The following FILIP1L variants were observed in gnomAD, a reference collection of about 807,000 sequenced individuals.
FILIP1L encodes filamin A interacting protein 1 like, also known as filamin A-interacting protein 1-like.
A neutral mutation model predicts 96.6 loss-of-function variants in FILIP1L; 55 were observed. The ratio of observed to expected loss-of-function variants is 0.57; its 90% CI spans 0.46 to 0.71. The LOEUF (loss-of-function observed/expected upper bound fraction) is 0.71, where lower values mean the gene tolerates loss of function less well. Among genes scored for constraint, FILIP1L ranks in the 30% least tolerant of loss-of-function variants. The probability of loss-of-function intolerance (pLI) is 0.00; values close to 1 mark genes in which losing one functional copy is unlikely to be tolerated. For missense variants in FILIP1L, 1,304 were observed against 1,321.2 expected, an observed-to-expected ratio of 0.99 and a Z score of 0.20; for synonymous variants, 467 against 473.9, an observed-to-expected ratio of 0.99 and a Z score of 0.19.
At chr3:99,948,035 A>C (rs1197666973) in intron 1 of FILIP1L, among the ~76,000 whole-genome samples, 1 of 151,188 alleles carries the variant, frequency 6.6e-6, no homozygotes, top group African/African-American at 2.4e-5. Context: ...GTGGTAAGAT[A>C]ATAAGTATTT....
intron 1 of FILIP1L, among the ~76,000 whole-genome samples, chr3:100,043,179 T>C (rs2065231847): frequency 6.6e-6 from 1 of 152,202 alleles, no homozygotes; most frequent in African/African-American, 2.4e-5. Flanking sequence ...TCAGAGAGGC[T>C]TTCTTCAGGC....
At chr3:100,107,637 C>G (rs1164716556) in intron 1 of FILIP1L, among the ~76,000 whole-genome samples, 2 of 151,978 alleles carry the variant, frequency 1.3e-5, no homozygotes, top group African/African-American at 4.8e-5. Flanking sequence ...GTTGGAAATT[C>G]CTTGTTTTAA....
chr3:99,876,772 TTTTTC>T (rs1705547366), intron 4 of FILIP1L, among the ~76,000 whole-genome samples: 1 of 152,146 alleles, frequency 6.6e-6, no homozygotes, highest in Non-Finnish European at 1.5e-5. Flanking sequence ...AAATCTTATT[TTTTTC>T]AGTGTTTTTC....
intron 4 of FILIP1L, among the ~76,000 whole-genome samples, chr3:99,902,340 A>T (rs1020902054): frequency 6.6e-6 from 1 of 152,184 alleles, no homozygotes; most frequent in South Asian, 2.1e-4. Context: ...ATATCTGTTG[A>T]ATTGAACTGA....
At chr3:99,992,032 A>T (rs544959773) in intron 1 of FILIP1L, among the ~76,000 whole-genome samples, 2 of 149,940 alleles carry the variant, frequency 1.3e-5, no homozygotes, top group African/African-American at 4.9e-5. Context: ...ATATACGTGT[A>T]TATATATATA....
chr3:100,065,569 T>A (rs1170921942), intron 1 of FILIP1L, among the ~76,000 whole-genome samples: 1 of 152,252 alleles, frequency 6.6e-6, no homozygotes, highest in Non-Finnish European at 1.5e-5. Flanking sequence ...TTCTTGGTCT[T>A]CCACTTTTCA....
At chr3:99,841,218 A>G (rs1943115337) in intron 5 of FILIP1L, among the ~76,000 whole-genome samples, 1 of 152,268 alleles carries the variant, frequency 6.6e-6, no homozygotes, top group Admixed American at 6.5e-5. Context: ...TGATTGACAG[A>G]TTGGCCCAGA....
chr3:100,102,237 A>G (rs1321403687), intron 1 of FILIP1L, among the ~76,000 whole-genome samples: 5 of 152,200 alleles, frequency 3.3e-5, no homozygotes, highest in Admixed American at 3.3e-4. Flanking sequence ...AGTCCCATCA[A>G]CAGTGTAAAA....
intron 1 of FILIP1L, among the ~76,000 whole-genome samples, chr3:99,952,684 C>A (rs970124318): frequency 7.2e-5 from 11 of 152,254 alleles, no homozygotes; most frequent in Non-Finnish European, 1.3e-4. Flanking sequence ...TTTCCTCTTT[C>A]TACCCTATAT....
intron 1 of FILIP1L, among the ~76,000 whole-genome samples, chr3:99,956,567 G>A (rs958184921): frequency 4.6e-5 from 7 of 152,124 alleles, no homozygotes; most frequent in Non-Finnish European, 7.4e-5. Flanking sequence ...GGCTAGTCTC[G>A]AATTCCTGAC....
rs562199692 is a variant in FILIP1L at position 100,021,494 on chromosome 3, A to G, written c.-10-90464T>C. Among the ~76,000 whole-genome samples, 3 of 152,278 alleles carry G rather than the reference A, an allele frequency of 2.0e-5. No homozygotes were observed. In the South Asian group the frequency reaches 6.2e-4, roughly 32 times the overall value. ...TCTCCTTGTAGAGAAAATTCCTGTA[A>G]TGTTTTGTTTTACTTCAAAAATCTG... On this transcript the variant is annotated intron_variant, in intron 1 of 5. Coordinates refer to ENST00000477258, the MANE Select transcript of FILIP1L (RefSeq NM_001387850.1).
At chr3:99,936,319 C>T (rs1450176076) in intron 1 of FILIP1L, among the ~76,000 whole-genome samples, 1 of 148,924 alleles carries the variant, frequency 6.7e-6, no homozygotes, top group Non-Finnish European at 1.5e-5. Flanking sequence ...TAAATGCCTT[C>T]CTTTGATTAA....
chr3:99,914,774 G>A (rs1706900782), intron 4 of FILIP1L, among the ~76,000 whole-genome samples: 3 of 152,200 alleles, frequency 2.0e-5, no homozygotes, highest in African/African-American at 7.2e-5. Context: ...GGCCATTCAG[G>A]ATAGAGTTCT....
At chr3:100,026,889 A>T (rs1395729343) in intron 1 of FILIP1L, among the ~76,000 whole-genome samples, 2 of 152,074 alleles carry the variant, frequency 1.3e-5, no homozygotes, top group African/African-American at 2.4e-5. Flanking sequence ...TCCGCATCTT[A>T]CTCAGCATGA....
intron 1 of FILIP1L, among the ~76,000 whole-genome samples, chr3:100,016,316 C>A (rs1248064836): frequency 6.6e-6 from 1 of 152,146 alleles, no homozygotes; most frequent in Non-Finnish European, 1.5e-5. Context: ...CCTCAGCCTC[C>A]CGAGTAGGTG....
intron 4 of FILIP1L, among the ~76,000 whole-genome samples, chr3:99,867,433 A>G (rs1370473965): frequency 1.3e-5 from 2 of 152,240 alleles, no homozygotes; most frequent in African/African-American, 4.8e-5. Flanking sequence ...GGTTTTTGAA[A>G]AAAGCTCTGG....
intron 1 of FILIP1L, among the ~76,000 whole-genome samples, chr3:100,005,012 A>G (rs1249413737): frequency 1.3e-5 from 2 of 152,204 alleles, no homozygotes; most frequent in African/African-American, 4.8e-5. Context: ...CTGGCTCTAC[A>G]AGGCTGTCAT....
chr3:100,099,206 G>T (rs760671625), intron 1 of FILIP1L, among the ~76,000 whole-genome samples: 2 of 152,154 alleles, frequency 1.3e-5, no homozygotes, highest in Admixed American at 6.5e-5. Flanking sequence ...TTGACTTAAT[G>T]TAGGTAATAG....
chr3:99,936,074 C>T (rs1424090464), intron 1 of FILIP1L, among the ~76,000 whole-genome samples: 1 of 151,992 alleles, frequency 6.6e-6, no homozygotes, highest in Non-Finnish European at 1.5e-5. Flanking sequence ...CTTAGACATA[C>T]TTTTTAGTCT....
Sources: gnomAD v4.1 joint callset for allele counts (sites outside exome capture counted in the v4.1 genomes callset) on GRCh38, gnomAD v4.1.1 for gene constraint, MANE v1.5 for transcripts, NCBI Gene and HGNC (gene_info 2026-07-23, HGNC 2026-07-21) for gene names.